PDE11A: variants seen among roughly 807,000 people sequenced by gnomAD.
The protein encoded by PDE11A is dual 3',5'-cyclic-AMP and -GMP phosphodiesterase 11A.
PDE11A carries 100 observed loss-of-function variants against 100.5 expected under a neutral mutation model. The observed-to-expected ratio is 1.00, with a 90% CI of 0.85 to 1.18. PDE11A has a LOEUF of 1.18. PDE11A is among the 50% of genes most tolerant of loss of function. PDE11A has a pLI of 0.00. For missense variants in PDE11A, 1,141 were observed against 1,152.6 expected (o/e 0.99, Z 0.15); for synonymous variants, 381 against 420.8 (o/e 0.91, Z 1.16).
At chr2:178,052,982 G>A (rs1449816765) in intron 1 of PDE11A, among the ~76,000 whole-genome samples, 1 of 152,124 alleles carries the variant, frequency 6.6e-6, no homozygotes, top group Non-Finnish European at 1.5e-5. Context: ...CCAATCAATA[G>A]AAAAAGAGGG....
In PDE11A at chr2:177,727,645, T is replaced by C; in HGVS notation, c.2043+13A>G. 2 of 1,448,178 alleles carry C rather than the reference T, an allele frequency of 1.4e-6. No individual in the cohort carries two copies. The highest frequency in any genetic ancestry group is 1.9e-6 in the Non-Finnish European group (2 of 1,028,470). The allele number at this position is 1,448,178 out of a possible 1,614,324, so 89.7% of individuals were successfully genotyped here. A position where few individuals can be genotyped will look rare whatever the true frequency, so the allele number is the denominator to read the frequency against. The stretch of plus-strand genomic sequence containing the variant: ...ATGAGAAATGATCTTCCACCATCAC[T>C]AAGCACACTTACGGTTAACATCGCG... On this transcript the variant is annotated intron_variant, in intron 12 of 19. Coordinates refer to ENST00000286063, the MANE Select transcript of PDE11A (RefSeq NM_016953.4).
chr2:177,624,392 C>T lies in PDE11A; in HGVS notation c.*5015G>A, dbSNP rs1033083512. On this transcript the variant is annotated 3_prime_UTR_variant, in exon 20 of 20. Coordinates refer to ENST00000286063, the MANE Select transcript of PDE11A (RefSeq NM_016953.4). ...GATGAAACTGGTTTTTGTCTTTCTG[C>T]AATTTCTAAGAGTCAGCAGGAAAAA... The T allele has an allele frequency of 6.6e-6, 1 of 151,692 alleles. No individual in the cohort carries two copies. The highest frequency in any genetic ancestry group is 1.9e-4 in the East Asian group (1 of 5,178). The allele number at this position is 151,692 out of a possible 1,614,324, so 9.4% of individuals were successfully genotyped here. A position where few individuals can be genotyped will look rare whatever the true frequency, so the allele number is the denominator to read the frequency against.
chr2:177,672,697 T>C (rs1230372027), intron 17 of PDE11A, among the ~76,000 whole-genome samples: 1 of 152,066 alleles, frequency 6.6e-6, no homozygotes, highest in African/African-American at 2.4e-5. Context: ...TTGCGAGGAA[T>C]TACAGGAAGT....
intron 12 of PDE11A, among the ~76,000 whole-genome samples, chr2:177,724,959 T>C (rs373951471): frequency 4.7e-4 from 72 of 152,196 alleles, no homozygotes; most frequent in African/African-American, 1.6e-3. Context: ...TCTTTTCTTT[T>C]CTTTCTTTTT....
intron 1 of PDE11A, among the ~76,000 whole-genome samples, chr2:178,024,941 AAAG>A (rs2086460805): frequency 6.6e-6 from 1 of 152,226 alleles, no homozygotes; most frequent in Non-Finnish European, 1.5e-5. Flanking sequence ...TTCTTCATAG[AAAG>A]AAGAACTAAT....
intron 1 of PDE11A, among the ~76,000 whole-genome samples, chr2:178,031,148 A>G (rs2086542556): frequency 6.6e-6 from 1 of 152,192 alleles, no homozygotes. Context: ...AAATAACAGC[A>G]ACAACCTCCT....
intron 2 of PDE11A, among the ~76,000 whole-genome samples, chr2:177,961,220 T>C (rs1285754720): frequency 6.6e-6 from 1 of 152,124 alleles, no homozygotes; most frequent in Non-Finnish European, 1.5e-5. Context: ...CTCCAAACTC[T>C]TTCTCTGTCC....
At chr2:177,912,561 C>A (rs1367546243) in intron 2 of PDE11A, among the ~76,000 whole-genome samples, 1 of 152,076 alleles carries the variant, frequency 6.6e-6, no homozygotes, top group Non-Finnish European at 1.5e-5. Context: ...GGGAAATAAC[C>A]TTCTCATGTC....
chr2:177,879,686 T>C (rs1365106896), intron 4 of PDE11A, among the ~76,000 whole-genome samples: 1 of 152,124 alleles, frequency 6.6e-6, no homozygotes, highest in East Asian at 1.9e-4. Flanking sequence ...AAAAATATTT[T>C]TTCCATCTGA....
chr2:177,885,951 TAAC>T (rs943124257), intron 4 of PDE11A, among the ~76,000 whole-genome samples: 1 of 152,148 alleles, frequency 6.6e-6, no homozygotes, highest in African/African-American at 2.4e-5. Context: ...GTAGAGTTCT[TAAC>T]AACGAAATAG....
intron 2 of PDE11A, among the ~76,000 whole-genome samples, chr2:177,943,858 G>T (rs1253303377): frequency 6.6e-6 from 1 of 152,122 alleles, no homozygotes; most frequent in African/African-American, 2.4e-5. Context: ...ATGGTTTTGG[G>T]TCTTACACTT....
intron 1 of PDE11A, among the ~76,000 whole-genome samples, chr2:178,026,617 C>T (rs1215323280): frequency 1.0e-4 from 15 of 150,646 alleles, no homozygotes; most frequent in Admixed American, 3.3e-4. Context: ...GCCGAGATTG[C>T]GCCACTGCAC....
At chr2:178,012,725 G>A (rs1047770226) in intron 2 of PDE11A, among the ~76,000 whole-genome samples, 9 of 152,172 alleles carry the variant, frequency 5.9e-5, no homozygotes, top group African/African-American at 2.2e-4. Flanking sequence ...TAACATAAAT[G>A]GAATCAAAGA....
rs115024748 is a variant in PDE11A at position 177,837,617 on chromosome 2, C to A, written c.1500+2634G>T. ...AAGTTAATAGCTGTGTGACTTCTAC[C>A]ATTTGCTGATTTTCTTCCCTTCCAT... is the stretch of plus-strand genomic sequence containing the variant. On this transcript the variant is annotated intron_variant, in intron 6 of 19. Coordinates refer to ENST00000286063, the MANE Select transcript of PDE11A (RefSeq NM_016953.4). Among the ~76,000 whole-genome samples, 740 of 152,188 alleles carry A rather than the reference C, an allele frequency of 4.9e-3. 12 individuals carry two copies. Among genetic ancestry groups the A allele is most frequent in the African/African-American group, 0.017 (709 of 41,526 alleles).
At chr2:177,869,406 T>A (rs2105684523) in intron 5 of PDE11A, among the ~76,000 whole-genome samples, 1 of 152,326 alleles carries the variant, frequency 6.6e-6, no homozygotes, top group East Asian at 1.9e-4. Flanking sequence ...CAGGTTTCCT[T>A]GACATTTGGC....
At chr2:177,946,004 G>A (rs1381431318) in intron 2 of PDE11A, among the ~76,000 whole-genome samples, 3 of 150,150 alleles carry the variant, frequency 2.0e-5, no homozygotes, top group African/African-American at 7.4e-5. Context: ...GAGGGAGATG[G>A]GGGGTCAGCC....
intron 1 of PDE11A, among the ~76,000 whole-genome samples, chr2:178,049,774 G>C (rs879323853): frequency 6.6e-6 from 1 of 152,134 alleles, no homozygotes; most frequent in African/African-American, 2.4e-5. Context: ...GTCTGAGATC[G>C]AACTGCAAGG....
chr2:178,095,563 G>C (rs2087478376), intron 2 of PDE11A, among the ~76,000 whole-genome samples: 1 of 152,196 alleles, frequency 6.6e-6, no homozygotes, highest in South Asian at 2.1e-4. Context: ...CCATTCTGGG[G>C]TCTGGAGAAT....
chr2:177,786,691 A>G (rs1006938821), intron 9 of PDE11A, among the ~76,000 whole-genome samples: 2 of 152,222 alleles, frequency 1.3e-5, no homozygotes, highest in Non-Finnish European at 2.9e-5. Flanking sequence ...AGAAGTGCTT[A>G]AAGGAGCTGA....
Sources: allele counts gnomAD v4.1 joint callset (sites outside exome capture counted in the v4.1 genomes callset), GRCh38; gene constraint gnomAD v4.1.1; transcripts MANE v1.5; gene names NCBI Gene and HGNC (gene_info 2026-07-23, HGNC 2026-07-21).